Variants in GRHL3 observed in about 807,000 individuals in gnomAD.
The protein encoded by GRHL3 is grainyhead-like protein 3 homolog.
A neutral mutation model predicts 70.3 loss-of-function variants in GRHL3; 20 were observed. The observed-to-expected ratio is 0.28, with a 90% CI of 0.20 to 0.41. The LOEUF is 0.41. Ranked by LOEUF, GRHL3 falls within the 10% of genes least tolerant of loss-of-function variation. The probability of loss-of-function intolerance (pLI) is 1.00; values close to 1 mark genes in which losing one functional copy is unlikely to be tolerated. For synonymous variants in GRHL3, 299 were observed against 299.9 expected (o/e 1.00, Z 0.03); for missense variants, 637 against 762.3 (o/e 0.84, Z 1.94).
chr1:24,344,842 G>A, intron 11 of GRHL3, 55 bp from the exon 12 acceptor site: 1 of 1,607,662 alleles, frequency 6.2e-7, no homozygotes, highest in Admixed American at 1.7e-5. Flanking sequence ...AGCAGCCAGG[G>A]GCTCCTCTCA....
In GRHL3 at chr1:24,342,634, C is replaced by A; in HGVS notation, c.1207-60C>A. The A allele has an allele frequency of 7.1e-7, 1 of 1,399,048 alleles. No individual in the cohort carries two copies. The highest frequency in any genetic ancestry group is 1.0e-6 in the Non-Finnish European group (1 of 985,214). 86.7% of individuals were successfully genotyped at this position (1,399,048 alleles called of 1,614,324 possible). On this transcript the variant is annotated intron_variant, in intron 9 of 15. Coordinates refer to ENST00000361548, the MANE Select transcript of GRHL3 (RefSeq NM_198173.3). The surrounding 1 kb of genome is among the most constrained non-coding windows in gnomAD (Gnocchi z 4.8). ...CCATATTTAAGATGCAAAGCAGCAG[C>A]TGTGAAAGTAGCTAGCCCCTCCCAG...
At position 24,346,605 on chromosome 1, in the gene GRHL3, C is replaced by T. The variant is rs1640296604; in HGVS notation, c.1507C>T (p.Pro503Ser). The change falls in exon 13 of 16, where the codon CCC becomes TCC. Residue 503 changes from proline (P) to serine (S), a missense_variant. Transcript: ENST00000361548. ...SPFTEEFEPL[P>S]SKQAKEGDLQ... ...CTTCACTGAGGAGTTTGAGCCTCTG[C>T]CCTCCAAGCAGGCCAAGGAAGGCGA... 6.2e-7 allele frequency: 1 copy of T among 1,613,212 alleles called. No individual in the cohort carries two copies. The highest frequency in any genetic ancestry group is 8.5e-7 in the Non-Finnish European group (1 of 1,179,572).
At chr1:24,341,412 C>G (rs1404064527) in intron 8 of GRHL3, among the ~76,000 whole-genome samples, 1 of 152,212 alleles carries the variant, frequency 6.6e-6, no homozygotes, top group African/African-American at 2.4e-5. Context: ...GCGGCAGAGC[C>G]CAGCTTCCTG....
At chr1:24,349,024 T>C (rs565239701) in intron 14 of GRHL3, among the ~76,000 whole-genome samples, 1 of 152,360 alleles carries the variant, frequency 6.6e-6, no homozygotes, top group African/African-American at 2.4e-5. Context: ...TCTCAGTTCG[T>C]GTGCAGAACC....
chr1:24,357,473 G>A (rs1640801436), downstream of GRHL3: 1 of 152,760 alleles, frequency 6.5e-6, no homozygotes, highest in Admixed American at 6.5e-5. Context: ...CACCCTGGAG[G>A]AGTTAAATCA....
intron 2 of GRHL3, 74 bp downstream of exon 2, chr1:24,331,686 A>G (rs1310438350): frequency 1.5e-6 from 2 of 1,368,670 alleles, no homozygotes; most frequent in African/African-American, 2.9e-5. Context: ...ATGGCTCAGC[A>G]GCCCACCATG....
chr1:24,333,660 TG>T (rs886069921), intron 2 of GRHL3, among the ~76,000 whole-genome samples: 1 of 152,150 alleles, frequency 6.6e-6, no homozygotes, highest in Non-Finnish European at 1.5e-5. Flanking sequence ...TTAAGGGACT[TG>T]TGTAAGGTCA....
At position 24,342,623 on chromosome 1, in the gene GRHL3, C is replaced by A; in HGVS notation, c.1207-71C>A. ...AGAAGCTTGGCCCATATTTAAGATG[C>A]AAAGCAGCAGCTGTGAAAGTAGCTA... On this transcript the variant is annotated intron_variant, in intron 9 of 15. Coordinates refer to ENST00000361548, the MANE Select transcript of GRHL3 (RefSeq NM_198173.3). This position sits in a 1 kb window ranked among gnomAD's most constrained non-coding sequence, Gnocchi z 4.8. The A allele has an allele frequency of 1.5e-6, 2 of 1,338,176 alleles. No individual in the cohort carries two copies. The highest frequency in any genetic ancestry group is 2.1e-6 in the Non-Finnish European group (2 of 930,816). The allele number at this position is 1,338,176 out of a possible 1,614,324, so 82.9% of individuals were successfully genotyped here.
At chr1:24,340,936 C>T (rs568786605) in intron 8 of GRHL3, among the ~76,000 whole-genome samples, 8 of 151,746 alleles carry the variant, frequency 5.3e-5, no homozygotes, top group Non-Finnish European at 8.8e-5. Context: ...TTCTCAGGTG[C>T]GAGCTGGGCG....
downstream of GRHL3, among the ~76,000 whole-genome samples, chr1:24,356,528 C>T (rs1010266841): frequency 6.6e-6 from 1 of 152,222 alleles, no homozygotes; most frequent in African/African-American, 2.4e-5. Context: ...CGTGAGCCAC[C>T]GTGTCCGGCC....
chr1:24,351,416 T>G (rs1386593647), intron 15 of GRHL3, among the ~76,000 whole-genome samples: 1 of 151,652 alleles, frequency 6.6e-6, no homozygotes, highest in South Asian at 2.1e-4. Context: ...GGGTTTTTTT[T>G]GGTTTTAGCT....
At position 24,336,532 on chromosome 1, in the gene GRHL3, C is replaced by T; in HGVS notation, c.317C>T (p.Pro106Leu). 6.2e-7 allele frequency: 1 copy of T among 1,612,582 alleles called. No individual in the cohort carries two copies. The highest frequency in any genetic ancestry group is 1.1e-5 in the South Asian group (1 of 90,732). Residue 106 changes from proline to leucine, a missense_variant, in exon 4 of 16, where the codon CCC becomes CTC. Coordinates refer to ENST00000361548, the MANE Select transcript of GRHL3 (RefSeq NM_198173.3). ...YETDLTPLESPTHLMKFLTEN... is the reference protein window; with the variant it reads ...YETDLTPLESLTHLMKFLTEN... ...ACGGACCTCACTCCCCTTGAAAGCC[C>T]CACACACCTCATGAAATTCCTGACA...
At chr1:24,347,693 G>T (rs1640346751) in intron 14 of GRHL3, 140 bp downstream of exon 14, 3 of 664,272 alleles carry the variant, frequency 4.5e-6, no homozygotes, top group Non-Finnish European at 8.0e-6. Context: ...TGTCCAGGGG[G>T]CCTGAGGGGC....
rs1313246902 is a variant in GRHL3, at chr1:24,337,719, A to T, written c.770A>T (p.Gln257Leu). 3.7e-6 allele frequency: 6 copies of T among 1,614,240 alleles called. No homozygotes were observed. The highest frequency in any genetic ancestry group is 5.1e-6 in the Non-Finnish European group (6 of 1,180,042). Residue 257 changes from glutamine to leucine, a missense_variant, in exon 6 of 16, where the codon CAG becomes CTG. Coordinates refer to ENST00000361548, the MANE Select transcript of GRHL3 (RefSeq NM_198173.3). Reference sequence around the variant, plus strand: ...CCCATGGCCTACCTCAACAAAGGCCAGTTCTACCCCGTCACCCTGCGGACC... The same window carrying T: ...CCCATGGCCTACCTCAACAAAGGCCTGTTCTACCCCGTCACCCTGCGGACC... ...ESPMAYLNKG[Q>L]FYPVTLRTPA...
Position 24,336,528 on chromosome 1 carries a change from A to G in GRHL3, c.313A>G (p.Ser105Gly). 1 of 1,607,270 alleles carries G rather than the reference A, an allele frequency of 6.2e-7. No individual in the cohort carries two copies. Among genetic ancestry groups the G allele is most frequent in the Non-Finnish European group, 8.5e-7 (1 of 1,175,954 alleles). Residue 105 changes from serine (S) to glycine (G), a missense_variant, in exon 4 of 16, where the codon AGC (serine) becomes GGC (glycine). Ser to Gly is a moderately conservative substitution (Grantham distance 56, BLOSUM62 0). Transcript: ENST00000361548. ...TGAGACGGACCTCACTCCCCTTGAAAGCCCCACACACCTCATGAAATTCCT... is the reference window on the plus strand; with the variant it reads ...TGAGACGGACCTCACTCCCCTTGAAGGCCCCACACACCTCATGAAATTCCT... Reference protein sequence around the residue: ...EYETDLTPLESPTHLMKFLTE... With the variant: ...EYETDLTPLEGPTHLMKFLTE...
chr1:24,336,773 G>A lies in GRHL3; in HGVS notation c.558G>A (p.Val186=). The A allele has an allele frequency of 6.2e-7, 1 of 1,613,312 alleles. No individual in the cohort carries two copies. Among genetic ancestry groups the A allele is most frequent in the South Asian group, 1.1e-5 (1 of 90,976 alleles). The part of the protein sequence containing the change: ...LNSLFESIHG[V]PPTQRWQPDS... ...CCTTGTTTGAGAGCATTCATGGGGT[G>A]CCGCCCACACAGCGCTGGCAGCCAG... is the stretch of plus-strand genomic sequence containing the variant. Residue 186 remains valine, a synonymous_variant, in exon 4 of 16, where the codon GTG becomes GTA. Transcript: ENST00000361548.
chr1:24,351,828 C>T (rs1640521229), intron 15 of GRHL3, among the ~76,000 whole-genome samples: 1 of 152,202 alleles, frequency 6.6e-6, no homozygotes, highest in African/African-American at 2.4e-5. Context: ...CTGCATCACT[C>T]CCAAGCATCA....
chr1:24,325,354 A>G (rs1292693951), intron 1 of GRHL3, among the ~76,000 whole-genome samples: 1 of 152,116 alleles, frequency 6.6e-6, no homozygotes, highest in Non-Finnish European at 1.5e-5. Context: ...TAGCTTAACT[A>G]CTGAGTCCCA....
At chr1:24,359,928 T>C (rs1227361486), downstream of GRHL3, among the ~76,000 whole-genome samples, 1 of 152,190 alleles carries the variant, frequency 6.6e-6, no homozygotes, top group African/African-American at 2.4e-5. The surrounding 1 kb of genome is among the most constrained non-coding windows in gnomAD (Gnocchi z 5.3). Flanking sequence ...TCCCTACTTA[T>C]GCTTGCCTGT....
Sources: allele counts gnomAD v4.1 joint callset (sites outside exome capture counted in the v4.1 genomes callset), GRCh38; gene constraint gnomAD v4.1.1; non-coding constraint Gnocchi (gnomAD v3.1); transcripts MANE v1.5; gene names NCBI Gene and HGNC (gene_info 2026-07-23, HGNC 2026-07-21).